SLC30A8: variants seen among roughly 807,000 people sequenced by gnomAD.
SLC30A8 encodes the protein solute carrier family 30 member 8.
SLC30A8 carries 27 observed loss-of-function variants against 36.9 expected under a neutral mutation model. That is an observed-to-expected ratio of 0.73 (90% CI 0.54 to 1.01). SLC30A8 has a LOEUF of 1.01. Among genes scored for constraint, SLC30A8 ranks in the 50% least tolerant of loss-of-function variants. The pLI, the probability that SLC30A8 is intolerant of heterozygous loss-of-function variation, is 0.00. For synonymous variants in SLC30A8, 164 were observed against 172.4 expected (o/e 0.95, Z 0.38); for missense variants, 439 against 452.0 (o/e 0.97, Z 0.26).
intron 1 of SLC30A8, among the ~76,000 whole-genome samples, chr8:116,986,256 T>C (rs1815440423): frequency 6.6e-6 from 1 of 152,210 alleles, no homozygotes. Flanking sequence ...TTCATCATCC[T>C]ATTGGCATTG....
At chr8:116,971,019 C>T (rs1814778255) in intron 1 of SLC30A8, among the ~76,000 whole-genome samples, 1 of 152,150 alleles carries the variant, frequency 6.6e-6, no homozygotes, top group Non-Finnish European at 1.5e-5. Flanking sequence ...AGCATGGACC[C>T]AGCAGGCGGA....
chr8:116,962,839 G>A (rs764780883), intron 1 of SLC30A8, among the ~76,000 whole-genome samples: 8 of 151,876 alleles, frequency 5.3e-5, no homozygotes, highest in Non-Finnish European at 8.8e-5. Context: ...TAATAATTTG[G>A]GAGCAGCGTA....
chr8:116,989,789 A>C (rs1815569342), intron 1 of SLC30A8, among the ~76,000 whole-genome samples: 1 of 152,218 alleles, frequency 6.6e-6, no homozygotes, highest in Admixed American at 6.5e-5. Flanking sequence ...CCCACCTGGA[A>C]ATGTATCATG....
chr8:117,023,394 T>A (rs1157557826), intron 1 of SLC30A8, among the ~76,000 whole-genome samples: 1 of 152,154 alleles, frequency 6.6e-6, no homozygotes, highest in Non-Finnish European at 1.5e-5. Flanking sequence ...GGATTATAAA[T>A]CATGCTGCTG....
chr8:117,067,796 G>GA (rs1239675019), intron 2 of SLC30A8, among the ~76,000 whole-genome samples: 2 of 151,798 alleles, frequency 1.3e-5, no homozygotes, highest in Admixed American at 6.6e-5. Context: ...CCTACAATAA[G>GA]AAAAAAAGGC....
At chr8:117,135,732 T>C (rs1463685517) in intron 1 of SLC30A8, among the ~76,000 whole-genome samples, 2 of 151,872 alleles carry the variant, frequency 1.3e-5, no homozygotes, top group African/African-American at 4.8e-5. Context: ...GTAAATTTTA[T>C]TATATTATAT....
At chr8:117,172,434 C>G in intron 7 of SLC30A8, 102 bp from the exon 8 acceptor site, 6 of 1,513,190 alleles carry the variant, frequency 4.0e-6, no homozygotes, top group Non-Finnish European at 5.5e-6. Context: ...TGCCTCTGCC[C>G]CACCCCAGCA....
rs1045502734 is a variant in SLC30A8, at chr8:117,168,612, A to G, written c.830-2422A>G. On this transcript the variant is annotated intron_variant, in intron 6 of 7. Coordinates refer to ENST00000456015, the MANE Select transcript of SLC30A8 (RefSeq NM_173851.3). Reference sequence around the variant, plus strand: ...TAATAAAATAAGTCATGGTGGACCTATGTTCTCTATAATAGTAATGAGATG... The same window carrying G: ...TAATAAAATAAGTCATGGTGGACCTGTGTTCTCTATAATAGTAATGAGATG... Among the ~76,000 whole-genome samples, 4 of 152,148 alleles carry G rather than the reference A, an allele frequency of 2.6e-5. No homozygotes were observed. In the South Asian group the frequency reaches 8.3e-4, roughly 31 times the overall value.
intron 1 of SLC30A8, among the ~76,000 whole-genome samples, chr8:116,980,074 C>T (rs1252677310): frequency 1.3e-5 from 2 of 152,180 alleles, no homozygotes; most frequent in Admixed American, 1.3e-4. Context: ...TCCTTGATCC[C>T]TGCTCCTTCT....
chr8:116,950,258 G>C (rs185206403), upstream of SLC30A8: 826 of 165,678 alleles, frequency 5.0e-3, 8 homozygotes, highest in African/African-American at 0.019. Context: ...CGCTGAGAGC[G>C]AGCAAGGGCT....
chr8:117,023,764 A>G (rs975048163), intron 1 of SLC30A8, among the ~76,000 whole-genome samples: 4 of 151,844 alleles, frequency 2.6e-5, no homozygotes, highest in Non-Finnish European at 4.4e-5. Context: ...AGATATACCT[A>G]AAGTTAAATG....
At chr8:117,007,111 C>G (rs1816209780) in intron 1 of SLC30A8, 1 of 151,286 alleles carries the variant, frequency 6.6e-6, no homozygotes, top group African/African-American at 2.4e-5. Context: ...CCGGGGGAGT[C>G]AGGTAATTTG....
At chr8:117,056,172 A>G (rs1417458383) in intron 2 of SLC30A8, 1 of 152,194 alleles carries the variant, frequency 6.6e-6, no homozygotes, top group Admixed American at 6.5e-5. Flanking sequence ...ATAGTGTAAC[A>G]TCTGACCAAG....
In SLC30A8 at chr8:117,014,285, A is replaced by T. The variant is rs576481429; in HGVS notation, c.-265-24934A>T. 2.5e-5 allele frequency among the ~76,000 whole-genome samples: 3 copies of T among 119,840 alleles called. No homozygotes were observed. The East Asian group carries it at 8.5e-4, about 34-fold the overall frequency. 78.6% of individuals were successfully genotyped at this position (119,840 alleles called of 152,430 possible). On this transcript the variant is annotated intron_variant, in intron 1 of 10. Transcript: ENST00000427715. The stretch of plus-strand genomic sequence containing the variant: ...TCATATTAGCCTTTGGCTGCTGAAC[A>T]GTCCTTCTTAGTTTCCAGAATGTGG...
At chr8:117,098,479 T>C (rs1586510679) in intron 2 of SLC30A8, among the ~76,000 whole-genome samples, 1 of 152,124 alleles carries the variant, frequency 6.6e-6, no homozygotes, top group Non-Finnish European at 1.5e-5. Flanking sequence ...AGCGTGTAGC[T>C]CCCTCCTATC....
Position 117,135,385 on chromosome 8 carries a change from T to G in SLC30A8, c.58T>G (p.Phe20Val). The G allele has an allele frequency of 6.3e-7, 1 of 1,598,560 alleles. No individual in the cohort carries two copies. Among genetic ancestry groups the G allele is most frequent in the Non-Finnish European group, 8.5e-7 (1 of 1,170,618 alleles). Residue 20 changes from phenylalanine (F) to valine (V), a missense_variant, in exon 1 of 8, where the codon TTC becomes GTC. Physicochemically the swap from Phe to Val is conservative, Grantham distance 50. Transcript: ENST00000456015. The part of the protein sequence containing the change: ...VNDKAAKMYA[F>V]TLESVELQQK... Reference sequence around the variant, plus strand: ...TGATAAAGCTGCCAAGATGTATGCTTTCACACTAGAAAGGTAATAGATGTC... The same window carrying G: ...TGATAAAGCTGCCAAGATGTATGCTGTCACACTAGAAAGGTAATAGATGTC...
intron 4 of SLC30A8, among the ~76,000 whole-genome samples, 197 bp downstream of exon 4, chr8:117,158,041 G>A (rs1822590883): frequency 6.6e-6 from 1 of 152,032 alleles, no homozygotes; most frequent in South Asian, 2.1e-4. Context: ...GCTTCTGCTA[G>A]CTATCATGTT....
intron 1 of SLC30A8, among the ~76,000 whole-genome samples, chr8:117,012,412 T>G (rs1016549519): frequency 2.6e-5 from 4 of 151,698 alleles, no homozygotes; most frequent in African/African-American, 7.3e-5. Flanking sequence ...GGATTGAAAA[T>G]ATTAAAAAAA....
intron 6 of SLC30A8, 105 bp downstream of exon 6, chr8:117,163,635 GA>G: frequency 1.2e-6 from 1 of 823,436 alleles, no homozygotes; most frequent in Non-Finnish European, 1.8e-6. Context: ...TGAATTATGG[GA>G]AAAATTTAAA....
Sources: allele counts gnomAD v4.1 joint callset (sites outside exome capture counted in the v4.1 genomes callset), GRCh38; gene constraint gnomAD v4.1.1; transcripts MANE v1.5; gene names NCBI Gene and HGNC (gene_info 2026-07-23, HGNC 2026-07-21).